The following NOL10 variants were observed in gnomAD, a reference collection of about 807,000 sequenced individuals.
The protein encoded by NOL10 is H_NH0074G24.1.
Under a neutral mutation model 103.5 loss-of-function variants are expected in NOL10, and 58 were observed. The ratio of observed to expected loss-of-function variants is 0.56; its 90% confidence interval spans 0.45 to 0.70. The LOEUF (loss-of-function observed/expected upper bound fraction) is 0.70, where lower values mean the gene tolerates loss of function less well. Ranked by LOEUF, NOL10 falls within the 30% of genes least tolerant of loss-of-function variation. NOL10 has a pLI of 0.00. For synonymous variants in NOL10, 287 were observed against 282.5 expected (o/e 1.02, Z -0.16); for missense variants, 763 against 807.3 (o/e 0.95, Z 0.67).
intron 2 of NOL10, 125 bp from the exon 3 acceptor site, chr2:10,682,194 T>C (rs1681816610): frequency 2.5e-6 from 1 of 401,140 alleles, no homozygotes; most frequent in Non-Finnish European, 4.4e-6. Flanking sequence ...AAATGCTTCC[T>C]GGCCTTGGGA....
At chr2:10,576,651 C>T (rs567065933) in intron 20 of NOL10, among the ~76,000 whole-genome samples, 1 of 152,254 alleles carries the variant, frequency 6.6e-6, no homozygotes, top group East Asian at 1.9e-4. Context: ...GTATGAAATG[C>T]CCGGAACAGG....
intron 12 of NOL10, among the ~76,000 whole-genome samples, chr2:10,648,442 C>T (rs146904202): frequency 1.8e-3 from 278 of 152,254 alleles, no homozygotes; most frequent in African/African-American, 5.6e-3. Context: ...TCTTGTTCTG[C>T]CTGCTCTCTT....
At chr2:10,583,902 C>A (rs1278797391) in intron 19 of NOL10, among the ~76,000 whole-genome samples, 1 of 152,126 alleles carries the variant, frequency 6.6e-6, no homozygotes, top group East Asian at 1.9e-4. Context: ...TTTGCTACAA[C>A]AAACATGCAC....
chr2:10,688,373 CG>C (rs1421272678), intron 1 of NOL10, among the ~76,000 whole-genome samples: 1 of 152,198 alleles, frequency 6.6e-6, no homozygotes, highest in South Asian at 2.1e-4. Flanking sequence ...ACCCTGCTCT[CG>C]CCCCCTCACT....
intron 13 of NOL10, among the ~76,000 whole-genome samples, chr2:10,625,899 T>G (rs1677430741): frequency 6.6e-6 from 1 of 151,996 alleles, no homozygotes; most frequent in African/African-American, 2.4e-5. Flanking sequence ...TCAGGTCAGG[T>G]GTGGTGGCTC....
chr2:10,610,542 T>C (rs189719038), intron 13 of NOL10, among the ~76,000 whole-genome samples: 15 of 152,308 alleles, frequency 9.8e-5, no homozygotes, highest in African/African-American at 3.6e-4. Flanking sequence ...AGAAAAAACA[T>C]CAAAACCACC....
rs1447024340 is a variant in NOL10, at chr2:10,589,239, T to C, written c.1648A>G (p.Ser550Gly). 1.9e-6 allele frequency: 3 copies of C among 1,613,902 alleles called. No homozygotes were observed. In the Admixed American group the frequency reaches 5.0e-5, roughly 27 times the overall value. Residue 550 changes from serine to glycine, a missense_variant, in exon 19 of 21, where the codon AGT (serine) becomes GGT (glycine). Ser to Gly is a moderately conservative substitution (Grantham distance 56, BLOSUM62 0). Coordinates refer to ENST00000381685, the MANE Select transcript of NOL10 (RefSeq NM_024894.4). ...GKPSDAESSE[S>G]SDDEKAWVEE... Reference sequence around the variant, plus strand: ...ACCCAGGCTTTTTCATCATCTGAACTCTCCGAACTTTCTGCATCACTTGGT... The same window carrying C: ...ACCCAGGCTTTTTCATCATCTGAACCCTCCGAACTTTCTGCATCACTTGGT...
intron 13 of NOL10, among the ~76,000 whole-genome samples, chr2:10,615,301 T>C (rs556855982): frequency 2.2e-3 from 334 of 152,294 alleles, no homozygotes; most frequent in African/African-American, 7.7e-3. Flanking sequence ...TTTGAAAAGA[T>C]AATTTAGGGA....
chr2:10,630,082 C>A (rs1677734576), intron 13 of NOL10, among the ~76,000 whole-genome samples: 1 of 152,174 alleles, frequency 6.6e-6, no homozygotes, highest in African/African-American at 2.4e-5. Context: ...AACCACCACA[C>A]CCAGCTTAAT....
intron 13 of NOL10, among the ~76,000 whole-genome samples, chr2:10,614,591 A>G (rs1372843367): frequency 6.6e-6 from 1 of 152,222 alleles, no homozygotes; most frequent in African/African-American, 2.4e-5. Flanking sequence ...GTGATTTGGG[A>G]TAAACACAGA....
At chr2:10,638,302 C>T (rs1311553170) in intron 13 of NOL10, among the ~76,000 whole-genome samples, 1 of 59,212 alleles carries the variant, frequency 1.7e-5, no homozygotes, top group African/African-American at 5.9e-5. Context: ...AATAACGTAA[C>T]GTGACGTGAC....
intron 20 of NOL10, among the ~76,000 whole-genome samples, 184 bp downstream of exon 20, chr2:10,577,452 G>C (rs1674511172): frequency 6.6e-6 from 1 of 152,182 alleles, no homozygotes; most frequent in African/African-American, 2.4e-5. Flanking sequence ...CTCTGCTGCA[G>C]TCACACACTG....
chr2:10,616,983 T>G (rs868700124), intron 13 of NOL10, among the ~76,000 whole-genome samples: 1 of 143,774 alleles, frequency 7.0e-6, no homozygotes, highest in Admixed American at 7.0e-5. Flanking sequence ...GCAGGCACTT[T>G]CCCTTCTCTC....
chr2:10,626,394 C>T (rs540482114), intron 13 of NOL10, among the ~76,000 whole-genome samples: 32 of 152,078 alleles, frequency 2.1e-4, no homozygotes, highest in African/African-American at 7.5e-4. Context: ...TTTGAGAACA[C>T]TGAATCAAAG....
At chr2:10,633,793 ATGTG>A (rs34227530) in intron 13 of NOL10, among the ~76,000 whole-genome samples, 126 of 149,298 alleles carry the variant, frequency 8.4e-4, no homozygotes, top group Admixed American at 2.3e-3. Flanking sequence ...GTTTATATGT[ATGTG>A]TGTGTGTGTG....
At chr2:10,602,213 C>T (rs1240375460) in intron 16 of NOL10, among the ~76,000 whole-genome samples, 1 of 152,262 alleles carries the variant, frequency 6.6e-6, no homozygotes, top group Non-Finnish European at 1.5e-5. Flanking sequence ...ACGGGGCCTC[C>T]TCTTCCTATT....
At chr2:10,606,260 A>G (rs1676252224) in intron 14 of NOL10, among the ~76,000 whole-genome samples, 1 of 151,878 alleles carries the variant, frequency 6.6e-6, no homozygotes, top group African/African-American at 2.4e-5. Flanking sequence ...TCCTTATCTA[A>G]TGGAATCATA....
intron 17 of NOL10, among the ~76,000 whole-genome samples, chr2:10,594,947 T>C (rs986895715): frequency 3.3e-5 from 5 of 152,118 alleles, no homozygotes; most frequent in African/African-American, 1.2e-4. Flanking sequence ...CAGTAAGCTA[T>C]GATTCTGCCA....
chr2:10,627,719 C>G (rs1420022116), intron 13 of NOL10, among the ~76,000 whole-genome samples: 4 of 149,378 alleles, frequency 2.7e-5, no homozygotes, highest in Non-Finnish European at 5.9e-5. Context: ...CAAACAACAA[C>G]AACAAAAAAC....
Sources: allele counts gnomAD v4.1 joint callset (sites outside exome capture counted in the v4.1 genomes callset), GRCh38; gene constraint gnomAD v4.1.1; transcripts MANE v1.5; gene names NCBI Gene and HGNC (gene_info 2026-07-23, HGNC 2026-07-21).